PHIP: variants seen among roughly 807,000 people sequenced by gnomAD.
The protein encoded by PHIP is PHIP subunit of CUL4-Ring ligase complex.
A neutral mutation model predicts 236.8 loss-of-function variants in PHIP; 54 were observed. The ratio of observed to expected loss-of-function variants is 0.23; its 90% CI spans 0.18 to 0.29. The LOEUF (loss-of-function observed/expected upper bound fraction) is 0.29, where lower values mean the gene tolerates loss of function less well. Ranked by LOEUF, PHIP falls within the 10% of genes least tolerant of loss-of-function variation. The probability of loss-of-function intolerance (pLI) is 1.00; values close to 1 mark genes in which losing one functional copy is unlikely to be tolerated. For synonymous variants in PHIP, 756 were observed against 718.9 expected, an observed-to-expected ratio of 1.05 and a Z score of -0.83; for missense variants, 1,370 against 2,190.8, an observed-to-expected ratio of 0.63 and a Z score of 7.48.
At chr6:79,027,158 T>C (rs1212271854) in intron 7 of PHIP, among the ~76,000 whole-genome samples, 1 of 152,132 alleles carries the variant, frequency 6.6e-6, no homozygotes, top group East Asian at 1.9e-4. Context: ...TGCATCATAG[T>C]GACAATAAAT....
rs1256643018 is a variant in PHIP at position 79,015,761 on chromosome 6, C to T, written c.1258G>A (p.Asp420Asn). The T allele has an allele frequency of 6.2e-7, 1 of 1,610,428 alleles. No homozygotes were observed. Residue 420 changes from aspartate to asparagine, a missense_variant, in exon 14 of 40, where the codon GAT (aspartate) becomes AAT (asparagine). Coordinates refer to ENST00000275034, the MANE Select transcript of PHIP (RefSeq NM_017934.7). ...GTAACCTTCATTTTTGTGATTTTAT[C>T]TTCTATTCCTTGAAGGTTTTGGCTG... is the stretch of plus-strand genomic sequence containing the variant. ...PAGQNLQGIE[D>N]KITKMKVTMV...
intron 9 of PHIP, among the ~76,000 whole-genome samples, chr6:79,024,113 C>CT (rs1298885252): frequency 6.6e-6 from 1 of 152,164 alleles, no homozygotes. Context: ...AAATCACAAT[C>CT]TTTTTTCAAA....
At chr6:78,956,578 C>T (rs1023149324) in intron 32 of PHIP, 2 of 152,044 alleles carry the variant, frequency 1.3e-5, no homozygotes, top group African/African-American at 2.4e-5. Flanking sequence ...TCAAAGCCAC[C>T]CACGATGTGG....
intron 4 of PHIP, among the ~76,000 whole-genome samples, chr6:79,066,792 G>C (rs1170414349): frequency 1.3e-5 from 2 of 152,186 alleles, no homozygotes; most frequent in African/African-American, 4.8e-5. Context: ...ACAGATTAAA[G>C]AGTTAATACC....
Position 78,940,917 on chromosome 6 carries a change from C to T in PHIP, c.5242G>A (p.Asp1748Asn). Reference sequence around the variant, plus strand: ...AACTCTTCTTCCTCATCTATAGGATCATCTATCTTTTTTCGGTTACTTCTC... The same window carrying T: ...AACTCTTCTTCCTCATCTATAGGATTATCTATCTTTTTTCGGTTACTTCTC... ...LRRSNRKKID[D>N]PIDEEEEFEE... is the part of the protein sequence containing the mutation. The change falls in exon 40 of 40, where the codon GAT becomes AAT. Residue 1748 changes from aspartate (D) to asparagine (N), a missense_variant. Coordinates refer to ENST00000275034, the MANE Select transcript of PHIP (RefSeq NM_017934.7). 1.9e-6 allele frequency: 3 copies of T among 1,613,724 alleles called. No homozygotes were observed. Among genetic ancestry groups the T allele is most frequent in the Non-Finnish European group, 2.5e-6 (3 of 1,179,706 alleles).
chr6:79,077,054 T>A (rs548559905), intron 4 of PHIP, among the ~76,000 whole-genome samples: 1 of 152,036 alleles, frequency 6.6e-6, no homozygotes, highest in Non-Finnish European at 1.5e-5. Context: ...CGGCCGCGCG[T>A]GCAGAGCGAG....
intron 15 of PHIP, among the ~76,000 whole-genome samples, chr6:79,011,678 A>G (rs899934006): frequency 6.6e-6 from 1 of 151,798 alleles, no homozygotes; most frequent in Admixed American, 6.6e-5. Context: ...CAGTAAAAAC[A>G]AGAAAAATAA....
chr6:78,964,845 A>C (rs1337895777), intron 29 of PHIP, among the ~76,000 whole-genome samples: 1 of 152,226 alleles, frequency 6.6e-6, no homozygotes, highest in Admixed American at 6.5e-5. Context: ...AAAAGAATTT[A>C]TGAAGTCTTT....
At position 79,017,573 on chromosome 6, in the gene PHIP, A is replaced by G. The variant is rs764365087; in HGVS notation, c.1005T>C (p.Phe335=). The G allele has an allele frequency of 6.2e-7, 1 of 1,610,680 alleles. No homozygotes were observed. The highest frequency in any genetic ancestry group is 8.5e-7 in the Non-Finnish European group (1 of 1,177,336). Residue 335 remains phenylalanine, a synonymous_variant, in exon 11 of 40, where the codon TTT becomes TTC. Transcript: ENST00000275034. ...ICSSFSAGGM[F]LATGSTDHII... ...TATGATCTGTGCTTCCCGTCGCCAG[A>G]AACATTCCACCTATGAAGAATAACA...
At chr6:79,008,087 C>T (rs936431833) in intron 15 of PHIP, among the ~76,000 whole-genome samples, 1 of 150,966 alleles carries the variant, frequency 6.6e-6, no homozygotes, top group Non-Finnish European at 1.5e-5. Flanking sequence ...ACCCGGGAGG[C>T]GGAGGTTGCA....
chr6:78,958,413 G>A, intron 32 of PHIP, 62 bp downstream of exon 32: 1 of 1,042,434 alleles, frequency 9.6e-7, no homozygotes, highest in South Asian at 1.4e-5. Context: ...TCTATTTTAA[G>A]AGGAACTGTA....
chr6:78,997,593 G>A lies in PHIP; in HGVS notation c.2022C>T (p.Ser674=), dbSNP rs1167503884. The change falls in exon 19 of 40, where the codon TCC becomes TCT. Residue 674 remains serine, a synonymous_variant. Transcript: ENST00000275034. ...ISNTSRLSRG[S]ISSTSEVHSP... is the part of the protein sequence containing the mutation. ...AATGAACCTCTGAGGTAGAACTTAT[G>A]GAGCCTAAGTGAAAAAGTTACTATA... 2 of 1,610,784 alleles carry A rather than the reference G, an allele frequency of 1.2e-6. No individual in the cohort carries two copies. The highest frequency in any genetic ancestry group is 3.3e-5 in the Admixed American group (2 of 59,712).
intron 15 of PHIP, among the ~76,000 whole-genome samples, chr6:79,004,744 G>C (rs2099251746): frequency 6.6e-6 from 1 of 152,010 alleles, no homozygotes. Flanking sequence ...CACTGATCTA[G>C]AACAAATTGA....
At chr6:79,007,314 C>A (rs1770335698) in intron 15 of PHIP, among the ~76,000 whole-genome samples, 2 of 151,992 alleles carry the variant, frequency 1.3e-5, no homozygotes, top group African/African-American at 4.8e-5. Context: ...GACATCTCTC[C>A]ATCAGTAATA....
chr6:78,965,600 T>A, intron 29 of PHIP, 103 bp downstream of exon 29: 1 of 677,262 alleles, frequency 1.5e-6, no homozygotes, highest in Non-Finnish European at 2.6e-6. Context: ...TGTTTTCTAT[T>A]TGATACTCAC....
chr6:78,999,439 C>G (rs1769849828), intron 17 of PHIP, among the ~76,000 whole-genome samples: 1 of 152,112 alleles, frequency 6.6e-6, no homozygotes, highest in Admixed American at 6.6e-5. Flanking sequence ...CCATACATAT[C>G]TAAGTATTCA....
intron 19 of PHIP, among the ~76,000 whole-genome samples, chr6:78,992,119 C>T (rs1582183370): frequency 6.6e-6 from 1 of 151,646 alleles, no homozygotes; most frequent in Non-Finnish European, 1.5e-5. Flanking sequence ...TCCGCCACCT[C>T]GCCCGGCTAA....
chr6:79,060,769 T>C lies in PHIP; in HGVS notation c.239A>G (p.His80Arg), dbSNP rs1395069258. 4 of 1,612,760 alleles carry C rather than the reference T, an allele frequency of 2.5e-6. No homozygotes were observed. Among genetic ancestry groups the C allele is most frequent in the Non-Finnish European group, 3.4e-6 (4 of 1,178,908 alleles). The change falls in exon 5 of 40, where the codon CAT (histidine) becomes CGT (arginine). Residue 80 changes from histidine to arginine, a missense_variant. Coordinates refer to ENST00000275034, the MANE Select transcript of PHIP (RefSeq NM_017934.7). ...TTGTTCAAGAAGAGGTCCTAGTCGA[T>C]GACATATTTGCAGCAAGTGATCAGG... ...LAPDHLLQICHRLGPLLEQEI... is the reference protein window; with the variant it reads ...LAPDHLLQICRRLGPLLEQEI...
intron 29 of PHIP, among the ~76,000 whole-genome samples, chr6:78,964,798 T>C (rs1234431770): frequency 6.6e-6 from 1 of 152,302 alleles, no homozygotes; most frequent in East Asian, 1.9e-4. Flanking sequence ...CCCTGTAATA[T>C]ATTATTTTTT....
Sources: allele counts gnomAD v4.1 joint callset (sites outside exome capture counted in the v4.1 genomes callset), GRCh38; gene constraint gnomAD v4.1.1; transcripts MANE v1.5; gene names NCBI Gene and HGNC (gene_info 2026-07-23, HGNC 2026-07-21).